METTL15: variants seen among roughly 807,000 people sequenced by gnomAD.
METTL15 encodes the protein methyltransferase 15, mitochondrial 12S rRNA N4-cytidine, also known as 12S rRNA N(4)-cytidine methyltransferase METTL15.
Under a neutral mutation model 38.3 loss-of-function variants are expected in METTL15, and 34 were observed. The observed-to-expected ratio is 0.89, with a 90% CI of 0.68 to 1.18. The LOEUF (loss-of-function observed/expected upper bound fraction) is 1.18. Ranked by LOEUF, METTL15 falls within the 50% of genes most tolerant of loss-of-function variation. The pLI is 0.00. For missense variants in METTL15, 438 were observed against 498.4 expected, an observed-to-expected ratio of 0.88 and a Z score of 1.15; for synonymous variants, 162 against 170.9, an observed-to-expected ratio of 0.95 and a Z score of 0.41.
intron 5 of METTL15, among the ~76,000 whole-genome samples, chr11:28,387,906 A>T (rs1284195986): frequency 1.3e-5 from 2 of 152,162 alleles, no homozygotes; most frequent in Non-Finnish European, 2.9e-5. Flanking sequence ...ATGAAAGTCA[A>T]TTCAGTGTAA....
At chr11:28,457,904 A>G (rs1411457003) in intron 6 of METTL15, among the ~76,000 whole-genome samples, 3 of 152,156 alleles carry the variant, frequency 2.0e-5, no homozygotes, top group Admixed American at 2.0e-4. Flanking sequence ...TTTTTAGCTC[A>G]CAGTTTTTGT....
chr11:28,252,602 A>G (rs1854793212), intron 4 of METTL15, among the ~76,000 whole-genome samples: 4 of 152,008 alleles, frequency 2.6e-5, no homozygotes, highest in Admixed American at 6.6e-5. Context: ...ACTGAATCCT[A>G]TAGTCTTTTT....
chr11:28,166,122 G>A (rs1006090896), intron 3 of METTL15, among the ~76,000 whole-genome samples: 1 of 151,920 alleles, frequency 6.6e-6, no homozygotes, highest in African/African-American at 2.4e-5. Context: ...GGCTTTTCAG[G>A]GTCTTTTGTG....
chr11:28,370,784 TA>T (rs1212549654), intron 5 of METTL15, among the ~76,000 whole-genome samples: 1 of 151,992 alleles, frequency 6.6e-6, no homozygotes, highest in East Asian at 1.9e-4. Flanking sequence ...TGTCATTTTT[TA>T]TTTGCATTTC....
intron 4 of METTL15, among the ~76,000 whole-genome samples, chr11:28,260,400 TATACTAG>T (rs1322174702): frequency 5.3e-5 from 8 of 152,222 alleles, no homozygotes; most frequent in African/African-American, 1.9e-4. Context: ...TTATGTTCTC[TATACTAG>T]TTATCATTAC....
At chr11:28,138,972 A>G (rs1318255630) in intron 3 of METTL15, among the ~76,000 whole-genome samples, 1 of 152,174 alleles carries the variant, frequency 6.6e-6, no homozygotes, top group East Asian at 1.9e-4. Flanking sequence ...CCTTTTTTCC[A>G]TTAATCCAGA....
intron 4 of METTL15, among the ~76,000 whole-genome samples, chr11:28,242,201 A>C (rs1854329234): frequency 6.6e-6 from 1 of 152,186 alleles, no homozygotes; most frequent in African/African-American, 2.4e-5. Context: ...GCATATACTT[A>C]TTTGTCAATC....
chr11:28,181,388 C>T (rs992933269), intron 3 of METTL15, among the ~76,000 whole-genome samples: 2 of 151,084 alleles, frequency 1.3e-5, no homozygotes, highest in Non-Finnish European at 2.9e-5. Flanking sequence ...GGTATTTCTC[C>T]TAATGCTATC....
intron 6 of METTL15, among the ~76,000 whole-genome samples, chr11:28,454,416 GTCT>G (rs370100850): frequency 4.6e-4 from 70 of 152,302 alleles, no homozygotes; most frequent in African/African-American, 1.6e-3. Flanking sequence ...TTTCTTAATA[GTCT>G]TCTTAATAGA....
chr11:28,389,051 C>G (rs567816172), intron 5 of METTL15, among the ~76,000 whole-genome samples: 69 of 151,846 alleles, frequency 4.5e-4, no homozygotes, highest in African/African-American at 1.6e-3. Flanking sequence ...ATGGGGTATA[C>G]GTGCCACATT....
intron 3 of METTL15, among the ~76,000 whole-genome samples, chr11:28,349,132 C>T (rs1173549310): frequency 6.6e-6 from 1 of 152,182 alleles, no homozygotes; most frequent in Non-Finnish European, 1.5e-5. Flanking sequence ...ACTCTAGTAC[C>T]TTCAATTTTA....
At position 28,218,858 on chromosome 11, in the gene METTL15, C is replaced by T. The variant is rs572720121; in HGVS notation, c.407+7660C>T. 2.4e-4 allele frequency among the ~76,000 whole-genome samples: 37 copies of T among 152,210 alleles called. 1 individual carries two copies. The highest frequency in any genetic ancestry group is 5.8e-4 in the African/African-American group (24 of 41,542). On this transcript the variant is annotated intron_variant, in intron 4 of 6. Transcript: ENST00000407364. ...TTGGTTCTGTTTATATGCTGGAATA[C>T]GTTTATTGATTTGCGTATATTGAAG...
intron 3 of METTL15, among the ~76,000 whole-genome samples, chr11:28,152,673 T>C (rs557994758): frequency 6.6e-6 from 1 of 152,136 alleles, no homozygotes; most frequent in African/African-American, 2.4e-5. Context: ...CTCAAGTTCC[T>C]TATATAAAAT....
intron 6 of METTL15, among the ~76,000 whole-genome samples, chr11:28,471,881 G>A (rs1224067228): frequency 1.3e-5 from 2 of 152,066 alleles, no homozygotes; most frequent in African/African-American, 4.8e-5. Flanking sequence ...ATCATTCTCT[G>A]TGGGGGGAAA....
At chr11:28,115,232 A>G (rs755172903) in intron 3 of METTL15, among the ~76,000 whole-genome samples, 2 of 151,710 alleles carry the variant, frequency 1.3e-5, no homozygotes, top group African/African-American at 2.4e-5. Flanking sequence ...ACATAAACAC[A>G]TATTTCTTTT....
chr11:28,240,267 C>T (rs1854235121), intron 4 of METTL15, among the ~76,000 whole-genome samples: 1 of 152,142 alleles, frequency 6.6e-6, no homozygotes, highest in Admixed American at 6.5e-5. Flanking sequence ...ATCAGCTATA[C>T]TTTGTTCGTA....
intron 3 of METTL15, among the ~76,000 whole-genome samples, chr11:28,146,113 A>G (rs1331470448): frequency 6.6e-6 from 1 of 152,052 alleles, no homozygotes; most frequent in African/African-American, 2.4e-5. Context: ...AAAATAATAT[A>G]TTTTCATTGT....
At chr11:28,189,716 T>A (rs1565153147) in intron 3 of METTL15, among the ~76,000 whole-genome samples, 1 of 151,294 alleles carries the variant, frequency 6.6e-6, no homozygotes, top group Non-Finnish European at 1.5e-5. Flanking sequence ...ATTTGATGAT[T>A]CCCTGTGGTG....
intron 5 of METTL15, among the ~76,000 whole-genome samples, chr11:28,373,082 C>T (rs931147155): frequency 6.6e-5 from 10 of 152,044 alleles, no homozygotes; most frequent in African/African-American, 1.7e-4. Flanking sequence ...AGTAAACATA[C>T]GTGTGCATGT....
Sources: gnomAD v4.1 joint callset for allele counts (sites outside exome capture counted in the v4.1 genomes callset) on GRCh38, gnomAD v4.1.1 for gene constraint, MANE v1.5 for transcripts, NCBI Gene and HGNC (gene_info 2026-07-23, HGNC 2026-07-21) for gene names.